SLC5A8: variants seen among roughly 807,000 people sequenced by gnomAD.
SLC5A8 encodes solute carrier family 5 member 8.
Under a neutral mutation model 71.9 loss-of-function variants are expected in SLC5A8, and 55 were observed. The observed-to-expected ratio is 0.77, with a 90% CI of 0.62 to 0.96. The LOEUF is 0.96. Ranked by LOEUF, SLC5A8 falls within the 40% of genes least tolerant of loss-of-function variation. SLC5A8 has a pLI of 0.00. For synonymous variants in SLC5A8, 307 were observed against 276.1 expected (o/e 1.11, Z -1.11); for missense variants, 701 against 745.3 (o/e 0.94, Z 0.69).
At position 101,209,623 on chromosome 12, in the gene SLC5A8, AG is replaced by A. The variant is rs751359891; in HGVS notation, c.225del (p.Ser76ProfsTer44). The A allele has an allele frequency of 5.6e-6, 9 of 1,613,940 alleles. No individual in the cohort carries two copies. The Admixed American group carries it at 8.3e-5, about 15-fold the overall frequency. ...FMSAVTVLGT[P>X]SEVYRFGAIF... is the part of the protein sequence containing the mutation. ...ATGGCCCCAAAACGGTAGACCTCGG[AG>A]GGGGTGCCCAGGACAGTGACGGCTG... On this transcript the variant is annotated frameshift_variant, in exon 1 of 15. Coordinates refer to ENST00000536262, the MANE Select transcript of SLC5A8 (RefSeq NM_145913.5). LOFTEE classifies it high-confidence loss of function.
At position 101,158,233 on chromosome 12, in the gene SLC5A8, A is replaced by G. The variant is rs1314133955; in HGVS notation, c.1710+16T>C. ...AGCCCAGTTTCCTAACTCAAGGTAA[A>G]TGAAAGCCAACTCACTTTCTTAAAA... is the stretch of plus-strand genomic sequence containing the variant. On this transcript the variant is annotated intron_variant, in intron 14 of 14. Transcript: ENST00000536262. 1.3e-6 allele frequency: 2 copies of G among 1,548,776 alleles called. No homozygotes were observed. Among genetic ancestry groups the G allele is most frequent in the Non-Finnish European group, 1.8e-6 (2 of 1,126,976 alleles).
intron 12 of SLC5A8, 124 bp downstream of exon 12, chr12:101,166,370 G>T (rs1299935750): frequency 1.4e-6 from 1 of 692,726 alleles, no homozygotes; most frequent in African/African-American, 1.8e-5. Flanking sequence ...CTAACCACAT[G>T]GGTTTTACTC....
In SLC5A8 at chr12:101,187,391, C is replaced by T; in HGVS notation, c.958G>A (p.Asp320Asn). Residue 320 changes from aspartate to asparagine, a missense_variant, in exon 7 of 15, where the codon GAC becomes AAC. Transcript: ENST00000536262. ...PWTAKKVSAP[D>N]QLMPYLVLDI... ...AGAAAGACATGGTACTGAACCTGGT[C>T]TGGTGCAGACACTTTCTTGGCTGTC... is the stretch of plus-strand genomic sequence containing the variant. 1 of 1,613,136 alleles carries T rather than the reference C, an allele frequency of 6.2e-7. No homozygotes were observed. Among genetic ancestry groups the T allele is most frequent in the Non-Finnish European group, 8.5e-7 (1 of 1,179,580 alleles).
At chr12:101,190,830 TG>T (rs1365283940) in intron 5 of SLC5A8, among the ~76,000 whole-genome samples, 6 of 152,088 alleles carry the variant, frequency 3.9e-5, no homozygotes, top group Admixed American at 3.9e-4. Context: ...TAGAAGAGAC[TG>T]GGGGAAATGA....
chr12:101,166,073 C>T (rs149597118), intron 12 of SLC5A8, among the ~76,000 whole-genome samples: 14 of 152,260 alleles, frequency 9.2e-5, no homozygotes, highest in African/African-American at 3.1e-4. Context: ...GAACAAATGG[C>T]AGTTATTTAA....
intron 3 of SLC5A8, among the ~76,000 whole-genome samples, chr12:101,200,776 A>G (rs1201538703): frequency 1.3e-5 from 2 of 152,126 alleles, no homozygotes; most frequent in Non-Finnish European, 2.9e-5. Flanking sequence ...ATAAATATTA[A>G]CATAGAGTGA....
chr12:101,185,635 G>C (rs1868600761), intron 7 of SLC5A8, among the ~76,000 whole-genome samples: 1 of 152,150 alleles, frequency 6.6e-6, no homozygotes, highest in Admixed American at 6.5e-5. Flanking sequence ...TTGGAGTGCA[G>C]TGGCTCGATC....
rs571959314 is a variant in SLC5A8, at chr12:101,157,084, A to C, written c.*195T>G. 3.2e-5 allele frequency: 17 copies of C among 534,576 alleles called. No individual in the cohort carries two copies. The highest frequency in any genetic ancestry group is 5.1e-5 in the Non-Finnish European group (16 of 316,648). 33.1% of individuals were successfully genotyped at this position (534,576 alleles called of 1,614,324 possible). A position where few individuals can be genotyped will look rare whatever the true frequency, so the allele number is the denominator to read the frequency against. Reference sequence around the variant, plus strand: ...AAAGAGAGGGAAATGTCAATGCCAGAATTCTAAACTCCAGAGTAACATCAA... The same window carrying C: ...AAAGAGAGGGAAATGTCAATGCCAGCATTCTAAACTCCAGAGTAACATCAA... On this transcript the variant is annotated 3_prime_UTR_variant, in exon 15 of 15. Transcript: ENST00000536262.
chr12:101,204,000 A>G (rs1205881454), intron 2 of SLC5A8, among the ~76,000 whole-genome samples: 1 of 152,206 alleles, frequency 6.6e-6, no homozygotes, highest in Non-Finnish European at 1.5e-5. Context: ...TGGTTCTTGT[A>G]GTCTAATTTT....
intron 9 of SLC5A8, among the ~76,000 whole-genome samples, chr12:101,181,532 T>C (rs1389433242): frequency 2.0e-5 from 3 of 152,232 alleles, no homozygotes; most frequent in Non-Finnish European, 2.9e-5. Context: ...TCCCGTTTTA[T>C]ATGCATTATC....
chr12:101,192,056 A>C (rs536479164), intron 5 of SLC5A8, among the ~76,000 whole-genome samples: 12 of 152,260 alleles, frequency 7.9e-5, no homozygotes, highest in African/African-American at 2.6e-4. Flanking sequence ...GGTTGTTTCC[A>C]CTTCCTGGAC....
chr12:101,202,411 C>T (rs1380923509), intron 2 of SLC5A8, among the ~76,000 whole-genome samples, 196 bp from the exon 3 acceptor site: 5 of 151,962 alleles, frequency 3.3e-5, no homozygotes, highest in African/African-American at 4.8e-5. Flanking sequence ...ACGGTATGAC[C>T]GGTCATAAGT....
At position 101,168,215 on chromosome 12, in the gene SLC5A8, A is replaced by G. The variant is rs200813587; in HGVS notation, c.1234-33T>C. ...AATAATACAACGTCAGCAATTAGCA[A>G]TCTCAAATCGAAACTCAAATATTTC... On this transcript the variant is annotated intron_variant, in intron 10 of 14. Transcript: ENST00000536262. 33 of 1,553,768 alleles carry G rather than the reference A, an allele frequency of 2.1e-5. No individual in the cohort carries two copies. In the Admixed American group the frequency reaches 4.8e-4, roughly 23 times the overall value.
chr12:101,195,090 C>T lies in SLC5A8; in HGVS notation c.537+5G>A, dbSNP rs201345119. On this transcript the variant is annotated splice_donor_5th_base_variant and intron_variant, in intron 4 of 14. Transcript: ENST00000536262. ...AGTGAAAAGGGAAATATGTCCTGGA[C>T]GTACCAGTGTGCAGTAGAATGTGCA... 151 of 1,613,896 alleles carry T rather than the reference C, an allele frequency of 9.4e-5. No individual in the cohort carries two copies. Among genetic ancestry groups the T allele is most frequent in the South Asian group, 4.1e-4 (37 of 91,032 alleles).
In SLC5A8 at chr12:101,204,571, G is replaced by GA; in HGVS notation, c.352-7_352-6insT. 3.2e-6 allele frequency: 5 copies of GA among 1,565,386 alleles called. No homozygotes were observed. Among genetic ancestry groups the GA allele is most frequent in the Middle Eastern group, 1.7e-4 (1 of 5,856 alleles). The stretch of plus-strand genomic sequence containing the variant: ...TTAAATCGAAGTTCTAAATACTGTT[G>GA]CAAAAAAAAAAATTATGCGAATCCT... On this transcript the variant is annotated splice_polypyrimidine_tract_variant and splice_region_variant and intron_variant, in intron 1 of 14. Transcript: ENST00000536262.
chr12:101,190,515 G>A lies in SLC5A8; in HGVS notation c.786C>T (p.Ser262=). ...TWTSIYGVNQ[S]QVQRYISCKS... ...TACAAGAAATATATCTCTGCACCTG[G>A]GATTGGTTGACACCGTAGATGCTGG... The change falls in exon 6 of 15, where the codon TCC becomes TCT. Residue 262 remains serine (S), a synonymous_variant. Transcript: ENST00000536262. 1.2e-6 allele frequency: 2 copies of A among 1,612,984 alleles called. No homozygotes were observed. Among genetic ancestry groups the A allele is most frequent in the African/African-American group, 2.7e-5 (2 of 74,914 alleles).
At position 101,158,334 on chromosome 12, in the gene SLC5A8, A is replaced by G; in HGVS notation, c.1631-6T>C. 1.9e-6 allele frequency: 3 copies of G among 1,560,294 alleles called. No homozygotes were observed. The highest frequency in any genetic ancestry group is 2.6e-6 in the Non-Finnish European group (3 of 1,141,898). On this transcript the variant is annotated splice_polypyrimidine_tract_variant and splice_region_variant and intron_variant, in intron 13 of 14. Coordinates refer to ENST00000536262, the MANE Select transcript of SLC5A8 (RefSeq NM_145913.5). ...TAAGTTCTGTTTTCTTCCTCCTGGA[A>G]AAAAAAATGTACATGACTTACGTTG...
At chr12:101,191,879 T>C (rs547699218) in intron 5 of SLC5A8, among the ~76,000 whole-genome samples, 6 of 152,242 alleles carry the variant, frequency 3.9e-5, no homozygotes, top group Non-Finnish European at 8.8e-5. Context: ...TTAATCTTTT[T>C]TTAAAAATCT....
At chr12:101,208,411 T>C (rs1437645419) in intron 1 of SLC5A8, among the ~76,000 whole-genome samples, 1 of 152,152 alleles carries the variant, frequency 6.6e-6, no homozygotes, top group Non-Finnish European at 1.5e-5. Context: ...CTCTGGGTAA[T>C]GGCCTAATAG....
Sources: gnomAD v4.1 joint callset for allele counts (sites outside exome capture counted in the v4.1 genomes callset) on GRCh38, gnomAD v4.1.1 for gene constraint, MANE v1.5 for transcripts, NCBI Gene and HGNC (gene_info 2026-07-23, HGNC 2026-07-21) for gene names.